The following AREL1 variants were observed in gnomAD, a reference collection of about 807,000 sequenced individuals.
AREL1 encodes apoptosis-resistant E3 ubiquitin protein ligase 1.
A neutral mutation model predicts 99.0 loss-of-function variants in AREL1; 62 were observed. The observed-to-expected ratio is 0.63, with a 90% CI of 0.51 to 0.77. The LOEUF is 0.77. Among genes scored for constraint, AREL1 ranks in the 30% least tolerant of loss-of-function variants. The pLI, the probability that AREL1 is intolerant of heterozygous loss-of-function variation, is 0.00. For synonymous variants in AREL1, 380 were observed against 376.5 expected (o/e 1.01, Z -0.11); for missense variants, 879 against 1,027.6 (o/e 0.86, Z 1.98).
Position 74,672,914 on chromosome 14 carries a change from G to A in AREL1, c.1339C>T (p.Gln447Ter). 6.2e-7 allele frequency: 1 copy of A among 1,614,158 alleles called. No individual in the cohort carries two copies. The highest frequency in any genetic ancestry group is 2.2e-5 in the East Asian group (1 of 44,890). The change falls in exon 11 of 20, where the codon CAG (glutamine) becomes TAG (stop). Residue 447 changes from glutamine (Q) to a stop codon, truncating the protein, a stop_gained. Coordinates refer to ENST00000356357, the MANE Select transcript of AREL1 (RefSeq NM_001039479.2). LOFTEE classifies it high-confidence loss of function. ...ATATGTACCTGCCGAAGCTCTCGCT[G>A]GAAAAAGTTCACCTTGTCCTGAAAG... ...ETFQDKVNFFQRELRQVHMKR... is the reference protein window; with the variant it reads ...ETFQDKVNFF
At chr14:74,698,050 G>A (rs944500974) in intron 1 of AREL1, among the ~76,000 whole-genome samples, 9 of 152,140 alleles carry the variant, frequency 5.9e-5, no homozygotes, top group African/African-American at 2.2e-4. Flanking sequence ...TGTAATATTT[G>A]CATGAATTTC....
rs561716711 is a variant in AREL1, at chr14:74,670,060, C to T, written c.1675G>A (p.Val559Met). The T allele has an allele frequency of 8.7e-6, 14 of 1,613,844 alleles. No individual in the cohort carries two copies. The highest frequency in any genetic ancestry group is 4.0e-5 in the African/African-American group (3 of 74,920). ...GAGGACTCATAGAGACACTTGCCCA[C>T]GAGCCGTCCCGCAAACTCATACATT... ...LKMYEFAGRL[V>M]GKCLYESSLG... Residue 559 changes from valine (V) to methionine (M), a missense_variant, in exon 14 of 20, where the codon GTG (valine) becomes ATG (methionine). Transcript: ENST00000356357.
At position 74,664,078 on chromosome 14, in the gene AREL1, G is replaced by A; in HGVS notation, c.2194-4C>T. On this transcript the variant is annotated splice_region_variant and splice_polypyrimidine_tract_variant and intron_variant, in intron 18 of 19. Transcript: ENST00000356357. ...CAGTCCAAAACCACCTCATGACCTG[G>A]CAGGGAGAGCACAAGGCTGGGATCA... 6.2e-7 allele frequency: 1 copy of A among 1,611,926 alleles called. No homozygotes were observed.
chr14:74,664,236 T>C (rs1420867194), intron 18 of AREL1, among the ~76,000 whole-genome samples, 162 bp from the exon 19 acceptor site: 2 of 152,174 alleles, frequency 1.3e-5, no homozygotes, highest in African/African-American at 4.8e-5. Flanking sequence ...GAATTTACAC[T>C]GTCACATGAT....
chr14:74,671,321 CTTT>C (rs34340758), intron 12 of AREL1, 84 bp downstream of exon 12: 3,014 of 125,700 alleles, frequency 0.024, 44 homozygotes, highest in African/African-American at 0.15. Flanking sequence ...GTAAGAGTTG[CTTT>C]TTTTTTTTTT....
Position 74,671,502 on chromosome 14 carries a change from A to G in AREL1, c.1423-19T>C. On this transcript the variant is annotated intron_variant, in intron 11 of 19. Transcript: ENST00000356357. ...TCAGAGACTGAAAAGAAGTGAAAGGAAGGGAATTGTCAGAACACTGGCTGG... is the reference window on the plus strand; with the variant it reads ...TCAGAGACTGAAAAGAAGTGAAAGGGAGGGAATTGTCAGAACACTGGCTGG... 14 of 1,555,266 alleles carry G rather than the reference A, an allele frequency of 9.0e-6. No individual in the cohort carries two copies. The highest frequency in any genetic ancestry group is 1.1e-5 in the Non-Finnish European group (13 of 1,140,362).
At chr14:74,701,361 T>A (rs889907505) in intron 1 of AREL1, among the ~76,000 whole-genome samples, 1 of 152,142 alleles carries the variant, frequency 6.6e-6, no homozygotes, top group Non-Finnish European at 1.5e-5. Context: ...CACAGTACCA[T>A]GTGGCTGGGG....
Position 74,667,542 on chromosome 14 carries a change from T to A in AREL1, c.1967A>T (p.Lys656Ile). The change falls in exon 16 of 20, where the codon AAA (lysine) becomes ATA (isoleucine). Residue 656 changes from lysine (K) to isoleucine (I), a missense_variant. Lys to Ile is a moderately radical substitution (Grantham distance 102). Transcript: ENST00000356357. Reference sequence around the variant, plus strand: ...GGCCAGCAAATTTAAATAGAAGATTTTATTCGCATTGGTGACTGGAGTTTG... The same window carrying A: ...GGCCAGCAAATTTAAATAGAAGATTATATTCGCATTGGTGACTGGAGTTTG... Reference protein sequence around the residue: ...GAQTPVTNANKIFYLNLLAQY... With the variant: ...GAQTPVTNANIIFYLNLLAQY... 1 of 1,613,898 alleles carries A rather than the reference T, an allele frequency of 6.2e-7. No homozygotes were observed. Among genetic ancestry groups the A allele is most frequent in the Non-Finnish European group, 8.5e-7 (1 of 1,179,890 alleles).
In AREL1 at chr14:74,663,229, C is replaced by G. The variant is rs145636056; in HGVS notation, c.*491G>C. The G allele has an allele frequency of 1.4e-5, 3 of 207,696 alleles. No homozygotes were observed. The highest frequency in any genetic ancestry group is 3.0e-5 in the Non-Finnish European group (3 of 100,416). 12.9% of individuals were successfully genotyped at this position (207,696 alleles called of 1,614,324 possible). ...TATGGGCCACCTCCTATCTGTCCCCCTCTCTCCTGGCTCCTGATGAGAAGA... is the reference window on the plus strand; with the variant it reads ...TATGGGCCACCTCCTATCTGTCCCCGTCTCTCCTGGCTCCTGATGAGAAGA... On this transcript the variant is annotated 3_prime_UTR_variant, in exon 20 of 20. Transcript: ENST00000356357.
chr14:74,690,012 C>T (rs530051451), intron 2 of AREL1, among the ~76,000 whole-genome samples: 20 of 151,964 alleles, frequency 1.3e-4, no homozygotes, highest in African/African-American at 4.3e-4. Context: ...CTTTGGGAGG[C>T]TGAGGTGGGA....
chr14:74,666,083 T>C (rs56253619), intron 17 of AREL1, among the ~76,000 whole-genome samples: 1 of 152,376 alleles, frequency 6.6e-6, no homozygotes, highest in African/African-American at 2.4e-5. Context: ...TCATTTTGTT[T>C]GGATTTCACA....
chr14:74,691,264 G>A (rs10133086), intron 2 of AREL1: 33,766 of 146,724 alleles, frequency 0.23, 3,971 homozygotes, highest in South Asian at 0.32. Flanking sequence ...AGGCTGCAGT[G>A]AGCCATGATT....
intron 17 of AREL1, among the ~76,000 whole-genome samples, chr14:74,665,270 CT>C (rs546774095): frequency 1.4e-3 from 193 of 136,378 alleles, no homozygotes; most frequent in African/African-American, 2.0e-3. Context: ...TCTTTCTTTT[CT>C]TTTTTTTTTT....
At chr14:74,702,601 C>G (rs978020269) in intron 1 of AREL1, among the ~76,000 whole-genome samples, 1 of 152,194 alleles carries the variant, frequency 6.6e-6, no homozygotes, top group Non-Finnish European at 1.5e-5. Flanking sequence ...CTGACATGCC[C>G]TGGAGACATT....
Position 74,676,730 on chromosome 14 carries a change from G to A in AREL1, c.504C>T (p.Thr168=). The part of the protein sequence containing the change: ...FQPGMVVPSK[T]KIVCHFSTLV... Reference sequence around the variant, plus strand: ...GAGTAGAAAAGTGGCACACAATTTTGGTCTTAGAAGGAACCACCATTCCTG... The same window carrying A: ...GAGTAGAAAAGTGGCACACAATTTTAGTCTTAGAAGGAACCACCATTCCTG... Residue 168 remains threonine, a synonymous_variant, in exon 6 of 20, where the codon ACC becomes ACT. Transcript: ENST00000356357. 1.2e-6 allele frequency: 2 copies of A among 1,605,410 alleles called. No homozygotes were observed. Among genetic ancestry groups the A allele is most frequent in the Non-Finnish European group, 1.7e-6 (2 of 1,175,980 alleles).
At chr14:74,708,766 C>T (rs575900677) in intron 1 of AREL1, among the ~76,000 whole-genome samples, 1 of 152,282 alleles carries the variant, frequency 6.6e-6, no homozygotes, top group South Asian at 2.1e-4. Flanking sequence ...ATAACAAAAA[C>T]TCATAAAATC....
chr14:74,668,487 C>T (rs1348452146), intron 15 of AREL1, among the ~76,000 whole-genome samples: 1 of 151,858 alleles, frequency 6.6e-6, no homozygotes, highest in Non-Finnish European at 1.5e-5. Context: ...TTAATGTAAG[C>T]ATTTCTATCT....
intron 1 of AREL1, among the ~76,000 whole-genome samples, chr14:74,693,425 CA>C (rs926338768): frequency 6.6e-6 from 1 of 151,982 alleles, no homozygotes; most frequent in Non-Finnish European, 1.5e-5. Context: ...ATTCATGAAC[CA>C]AAAATGTAGC....
At chr14:74,712,869 C>T (rs572062860) in intron 1 of AREL1, 64 bp downstream of exon 1, 2 of 510,838 alleles carry the variant, frequency 3.9e-6, no homozygotes, top group Non-Finnish European at 7.3e-6. Flanking sequence ...TCCTCCCTCT[C>T]TCTCTGGAAC....
Sources: gnomAD v4.1 joint callset for allele counts (sites outside exome capture counted in the v4.1 genomes callset) on GRCh38, gnomAD v4.1.1 for gene constraint, MANE v1.5 for transcripts, NCBI Gene and HGNC (gene_info 2026-07-23, HGNC 2026-07-21) for gene names.